Variants in CFAP54 observed in about 807,000 individuals in gnomAD.
CFAP54 encodes the protein cilia and flagella associated protein 54.
CFAP54 carries 290 observed loss-of-function variants against 370.4 expected under a neutral mutation model. The ratio of observed to expected loss-of-function variants is 0.78; its 90% confidence interval spans 0.71 to 0.86. The LOEUF (loss-of-function observed/expected upper bound fraction) is 0.86. Among genes scored for constraint, CFAP54 ranks in the 40% least tolerant of loss-of-function variants. CFAP54 has a pLI of 0.00. For missense variants in CFAP54, 3,399 were observed against 3,528.7 expected, an observed-to-expected ratio of 0.96 and a Z score of 0.93; for synonymous variants, 1,206 against 1,236.5, an observed-to-expected ratio of 0.98 and a Z score of 0.52.
At chr12:96,621,494 C>T in intron 26 of CFAP54, 96 bp from the exon 27 acceptor site, 1 of 873,332 alleles carries the variant, frequency 1.1e-6, no homozygotes, top group Non-Finnish European at 1.6e-6. Flanking sequence ...AGACTGAAAA[C>T]TCTATGGGGC....
chr12:96,607,247 A>G (rs1031214553), intron 26 of CFAP54, among the ~76,000 whole-genome samples: 3 of 152,138 alleles, frequency 2.0e-5, no homozygotes, highest in East Asian at 3.8e-4. Context: ...AGGAGACTCC[A>G]TACTCCAAGG....
chr12:96,765,290 A>G, intron 60 of CFAP54, 72 bp downstream of exon 60: 1 of 1,301,946 alleles, frequency 7.7e-7, no homozygotes, highest in Non-Finnish European at 1.0e-6. Context: ...TCAAAGATTT[A>G]ATTGTAATTT....
chr12:96,725,880 C>A (rs1443842133), intron 50 of CFAP54, among the ~76,000 whole-genome samples: 7 of 151,012 alleles, frequency 4.6e-5, no homozygotes, highest in Admixed American at 1.3e-4. Flanking sequence ...GAGTTTTTAG[C>A]ATGAAGGGTT....
At chr12:96,874,632 A>ATTTTTTTTTTT (rs1485590262) in intron 67 of CFAP54, among the ~76,000 whole-genome samples, 1 of 30,416 alleles carries the variant, frequency 3.3e-5, no homozygotes, top group South Asian at 2.3e-3. Context: ...TTTTTATTTT[A>ATTTTTTTTTTT]TTTTTTTTTT....
At chr12:96,769,340 A>T (rs1418539523) in intron 60 of CFAP54, among the ~76,000 whole-genome samples, 1 of 152,352 alleles carries the variant, frequency 6.6e-6, no homozygotes, top group East Asian at 1.9e-4. Flanking sequence ...ACAGAAAACT[A>T]TAAATGCCTG....
At chr12:96,659,441 A>G (rs567306457) in intron 38 of CFAP54, among the ~76,000 whole-genome samples, 8 of 152,300 alleles carry the variant, frequency 5.3e-5, no homozygotes, top group African/African-American at 1.4e-4. Context: ...AGAGCTGACA[A>G]TACTTTCAGG....
chr12:96,743,090 G>T (rs572972028), intron 52 of CFAP54, among the ~76,000 whole-genome samples: 5 of 152,260 alleles, frequency 3.3e-5, no homozygotes, highest in African/African-American at 1.2e-4. Flanking sequence ...ACATGTAAAT[G>T]TTAGTTCTTG....
intron 1 of CFAP54, among the ~76,000 whole-genome samples, chr12:96,499,977 C>CAAAAA (rs571829256): frequency 6.6e-6 from 1 of 150,678 alleles, no homozygotes; most frequent in African/African-American, 2.4e-5. Flanking sequence ...CAAAACAAAA[C>CAAAAA]AAAACAAAAA....
At chr12:96,661,981 C>T (rs1307365478) in intron 38 of CFAP54, among the ~76,000 whole-genome samples, 1 of 152,178 alleles carries the variant, frequency 6.6e-6, no homozygotes, top group Non-Finnish European at 1.5e-5. Flanking sequence ...TCCCTGCCTC[C>T]TCTCTTGCTC....
chr12:96,817,913 A>G lies in CFAP54; in HGVS notation c.9096A>G (p.Glu3032=). 6.8e-7 allele frequency: 1 copy of G among 1,461,878 alleles called. No individual in the cohort carries two copies. Among genetic ancestry groups the G allele is most frequent in the Non-Finnish European group, 9.0e-7 (1 of 1,108,174 alleles). 90.6% of individuals were successfully genotyped at this position (1,461,878 alleles called of 1,614,324 possible). Reference sequence around the variant, plus strand: ...AGGAATCAGTTGATAATGAAATGGAAGTAAGTTGTTAAATAATGGAAAATG... The same window carrying G: ...AGGAATCAGTTGATAATGAAATGGAGGTAAGTTGTTAAATAATGGAAAATG... ...VEEESVDNEM[E]DMIIQCCSEI... is the part of the protein sequence containing the mutation. The change falls in exon 65 of 68, where the codon GAA becomes GAG. Residue 3032 remains glutamate (E), a splice_region_variant and synonymous_variant. Transcript: ENST00000524981.
chr12:96,835,026 G>T (rs139102612), intron 66 of CFAP54, among the ~76,000 whole-genome samples: 18 of 152,156 alleles, frequency 1.2e-4, no homozygotes, highest in African/African-American at 4.3e-4. Context: ...CAGGCAGGTT[G>T]TCCTGTCGTC....
chr12:96,747,245 T>TGA lies in CFAP54; in HGVS notation c.7684+3099_7684+3100insGA, dbSNP rs1958126408. ...ATAATTTTTATACAATGGAAAGGTG[T>TGA]TCGCACTACATTGGAACATATATAA... is the stretch of plus-strand genomic sequence containing the variant. On this transcript the variant is annotated intron_variant, in intron 55 of 67. Transcript: ENST00000524981. Among the ~76,000 whole-genome samples, 26 of 152,198 alleles carry TGA rather than the reference T, an allele frequency of 1.7e-4. 1 individual carries two copies. Among genetic ancestry groups the TGA allele is most frequent in the Admixed American group, 1.7e-3 (26 of 15,274 alleles).
At chr12:96,827,020 TTATATGTGATTATATATAATATGCAATTA>T (rs1959124078) in intron 65 of CFAP54, among the ~76,000 whole-genome samples, 1 of 131,414 alleles carries the variant, frequency 7.6e-6, no homozygotes, top group African/African-American at 3.0e-5. Flanking sequence ...TAATATGCAA[TTATATGTGATTATATATAATATGCAATTA>T]TATGTGATTA....
chr12:96,647,365 C>G (rs1467034274), intron 33 of CFAP54, among the ~76,000 whole-genome samples: 6 of 147,158 alleles, frequency 4.1e-5, no homozygotes, highest in Non-Finnish European at 7.4e-5. Context: ...CCCAGCTACT[C>G]TGGAGTCTGA....
At position 96,755,666 on chromosome 12, in the gene CFAP54, C is replaced by CTTTTTTTT. The variant is rs71758359; in HGVS notation, c.7841-780_7841-773dup. Among the ~76,000 whole-genome samples, 322 of 87,910 alleles carry CTTTTTTTT rather than the reference C, an allele frequency of 3.7e-3. 2 individuals are homozygous for CTTTTTTTT. The highest frequency in any genetic ancestry group is 0.014 in the African/African-American group (300 of 21,980). 57.7% of individuals were successfully genotyped at this position (87,910 alleles called of 152,430 possible). On this transcript the variant is annotated intron_variant, in intron 56 of 67. Coordinates refer to ENST00000524981, the MANE Select transcript of CFAP54 (RefSeq NM_001306084.2). Reference sequence around the variant, plus strand: ...ATATCACATTTTCTTTTCTTTTTTCCTTTTTTTTTTTTTTTTTTTGAGACT... The same window carrying CTTTTTTTT: ...ATATCACATTTTCTTTTCTTTTTTCCTTTTTTTTTTTTTTTTTTTTTTTTTTTGAGACT...
At chr12:96,817,983 T>A (rs1463263595) in intron 65 of CFAP54, 70 bp downstream of exon 65, 2 of 1,107,264 alleles carry the variant, frequency 1.8e-6, no homozygotes, top group Non-Finnish European at 2.4e-6. Context: ...CAGAACTATG[T>A]AACTGGACTT....
intron 32 of CFAP54, among the ~76,000 whole-genome samples, chr12:96,641,628 C>G (rs145267939): frequency 6.6e-6 from 1 of 152,028 alleles, no homozygotes; most frequent in African/African-American, 2.4e-5. Context: ...CACATGCACA[C>G]GTATGTTTAT....
chr12:96,539,875 C>T (rs1244456915), intron 13 of CFAP54, among the ~76,000 whole-genome samples: 1 of 151,996 alleles, frequency 6.6e-6, no homozygotes, highest in African/African-American at 2.4e-5. Context: ...ATATTATAAC[C>T]TGGAAACTTA....
chr12:96,560,413 C>A (rs1219703171), intron 17 of CFAP54, among the ~76,000 whole-genome samples: 1 of 152,080 alleles, frequency 6.6e-6, no homozygotes, highest in Non-Finnish European at 1.5e-5. Flanking sequence ...CATAATTGTT[C>A]CCAAATATCC....
Sources: gnomAD v4.1 joint callset for allele counts (sites outside exome capture counted in the v4.1 genomes callset) on GRCh38, gnomAD v4.1.1 for gene constraint, MANE v1.5 for transcripts, NCBI Gene and HGNC (gene_info 2026-07-23, HGNC 2026-07-21) for gene names.